Variants in FGGY observed in about 807,000 individuals in gnomAD.
FGGY encodes FGGY carbohydrate kinase domain containing, also known as FGGY carbohydrate kinase domain-containing protein.
In FGGY, 72 loss-of-function variants were observed where a neutral mutation model predicts 71.3. The ratio of observed to expected loss-of-function variants is 1.01; its 90% CI spans 0.84 to 1.23. FGGY has a LOEUF of 1.23. Among genes scored for constraint, FGGY ranks in the 50% most tolerant of loss-of-function variants. The pLI is 0.00. For synonymous variants in FGGY, 251 were observed against 250.3 expected, an observed-to-expected ratio of 1.00 and a Z score of -0.02; for missense variants, 668 against 682.3, an observed-to-expected ratio of 0.98 and a Z score of 0.23.
rs142640444 is a variant in FGGY at position 59,378,831 on chromosome 1, C to G, written c.548C>G (p.Thr183Arg). Residue 183 changes from threonine (T) to arginine (R), a missense_variant, in exon 5 of 16, where the codon ACA becomes AGA. By Grantham distance (71) the Thr-to-Arg change is moderately conservative. Coordinates refer to ENST00000303721, the MANE Select transcript of FGGY (RefSeq NM_018291.5). Reference sequence around the variant, plus strand: ...TTATCGTGGAAGGCAACAGGTGTCACAGCACGGTATGTTAATTACAAGTTG... The same window carrying G: ...TTATCGTGGAAGGCAACAGGTGTCAGAGCACGGTATGTTAATTACAAGTTG... ...DFLSWKATGV[T>R]ARSLCSLVCK... 83 of 1,612,258 alleles carry G rather than the reference C, an allele frequency of 5.1e-5. No individual in the cohort carries two copies. The highest frequency in any genetic ancestry group is 7.0e-5 in the Non-Finnish European group (82 of 1,178,648).
At chr1:59,703,164 T>G (rs1184956413) in intron 14 of FGGY, among the ~76,000 whole-genome samples, 2 of 152,184 alleles carry the variant, frequency 1.3e-5, no homozygotes, top group African/African-American at 4.8e-5. Flanking sequence ...CTATTTGTCA[T>G]AATTATTCCT....
intron 4 of FGGY, among the ~76,000 whole-genome samples, chr1:59,376,440 T>A (rs1242056699): frequency 6.6e-6 from 1 of 152,162 alleles, no homozygotes; most frequent in East Asian, 1.9e-4. Context: ...TGTAAATAGA[T>A]GTTGGTGTTT....
At chr1:59,370,773 T>C (rs938480647) in intron 4 of FGGY, among the ~76,000 whole-genome samples, 13 of 151,168 alleles carry the variant, frequency 8.6e-5, no homozygotes, top group Admixed American at 1.3e-4. Flanking sequence ...AAGAAAAGAA[T>C]TTTCAACCCA....
intron 5 of FGGY, among the ~76,000 whole-genome samples, chr1:59,436,949 T>C (rs1300254752): frequency 6.6e-6 from 1 of 152,222 alleles, no homozygotes; most frequent in African/African-American, 2.4e-5. Flanking sequence ...AACTCTCCCA[T>C]GACACTATGC....
chr1:59,667,165 T>G, intron 12 of FGGY, 118 bp from the exon 13 acceptor site: 61 of 1,245,552 alleles, frequency 4.9e-5, no homozygotes, highest in Non-Finnish European at 6.4e-5. Context: ...CTCAGCTTTC[T>G]GAGATAGTGT....
chr1:59,673,441 G>A (rs1338236361), intron 13 of FGGY, among the ~76,000 whole-genome samples: 1 of 152,148 alleles, frequency 6.6e-6, no homozygotes, highest in African/African-American at 2.4e-5. Flanking sequence ...GAGAAGAGGA[G>A]GATATCAGAG....
intron 4 of FGGY, among the ~76,000 whole-genome samples, chr1:59,347,605 G>T (rs2052341984): frequency 2.6e-5 from 4 of 152,074 alleles, no homozygotes; most frequent in African/African-American, 9.7e-5. Context: ...TACCAAAACA[G>T]ATATATAGAC....
intron 5 of FGGY, among the ~76,000 whole-genome samples, chr1:59,453,563 C>G (rs2091404157): frequency 1.3e-5 from 2 of 152,102 alleles, no homozygotes; most frequent in Non-Finnish European, 2.9e-5. Context: ...GCTGACTGAT[C>G]CACGTTGATC....
At chr1:59,633,236 T>G (rs993472082) in intron 10 of FGGY, among the ~76,000 whole-genome samples, 7 of 152,132 alleles carry the variant, frequency 4.6e-5, no homozygotes, top group Admixed American at 2.6e-4. Flanking sequence ...GGTCTCGATC[T>G]CCTGACCTCG....
chr1:59,589,611 G>C (rs1190832764), intron 8 of FGGY, among the ~76,000 whole-genome samples: 5 of 152,098 alleles, frequency 3.3e-5, no homozygotes, highest in African/African-American at 7.2e-5. Flanking sequence ...TGCAATCAAA[G>C]TAGAACTCAG....
chr1:59,381,968 A>T (rs1035715099), intron 5 of FGGY, among the ~76,000 whole-genome samples: 2 of 152,154 alleles, frequency 1.3e-5, no homozygotes, highest in Non-Finnish European at 2.9e-5. Context: ...TGGACATGAA[A>T]TCTTTAAGTA....
intron 1 of FGGY, among the ~76,000 whole-genome samples, chr1:59,303,207 A>G (rs1418383216): frequency 6.6e-6 from 1 of 152,230 alleles, no homozygotes; most frequent in Non-Finnish European, 1.5e-5. Flanking sequence ...TATGTTGTAC[A>G]TTAGATCTCC....
chr1:59,567,895 C>T (rs2153729788), intron 8 of FGGY, among the ~76,000 whole-genome samples: 1 of 150,444 alleles, frequency 6.6e-6, no homozygotes, highest in South Asian at 2.1e-4. Context: ...CATACGAGAT[C>T]CAGCATTATT....
intron 4 of FGGY, among the ~76,000 whole-genome samples, chr1:59,354,478 T>C (rs958908955): frequency 6.6e-6 from 1 of 152,012 alleles, no homozygotes; most frequent in Non-Finnish European, 1.5e-5. Context: ...GATTTGAACT[T>C]TGGCATTTCA....
At chr1:59,490,385 A>G (rs1015388815) in intron 6 of FGGY, among the ~76,000 whole-genome samples, 12 of 152,100 alleles carry the variant, frequency 7.9e-5, no homozygotes, top group African/African-American at 2.9e-4. Context: ...TCCTGTACCA[A>G]TGGTTGAATT....
chr1:59,468,872 TAAA>T (rs397967555), intron 6 of FGGY, among the ~76,000 whole-genome samples: 3 of 119,570 alleles, frequency 2.5e-5, no homozygotes, highest in Non-Finnish European at 3.5e-5. Flanking sequence ...ACTCTGTCTT[TAAA>T]AAAAAAAAAA....
chr1:59,555,782 CT>C (rs1318565427), intron 8 of FGGY, among the ~76,000 whole-genome samples: 1 of 152,026 alleles, frequency 6.6e-6, no homozygotes, highest in Non-Finnish European at 1.5e-5. Flanking sequence ...GGTGGATCAC[CT>C]GAGGTCAAGA....
intron 6 of FGGY, among the ~76,000 whole-genome samples, chr1:59,499,949 A>G (rs1558136817): frequency 6.6e-6 from 1 of 152,150 alleles, no homozygotes; most frequent in Non-Finnish European, 1.5e-5. Context: ...ATACATATAT[A>G]TGTTTGTATT....
intron 2 of FGGY, among the ~76,000 whole-genome samples, chr1:59,327,786 T>C (rs2153158139): frequency 6.6e-6 from 1 of 152,358 alleles, no homozygotes; most frequent in African/African-American, 2.4e-5. Flanking sequence ...AGAATGGATG[T>C]TGTGTTAGCA....
Sources: gnomAD v4.1 joint callset for allele counts (sites outside exome capture counted in the v4.1 genomes callset) on GRCh38, gnomAD v4.1.1 for gene constraint, MANE v1.5 for transcripts, NCBI Gene and HGNC (gene_info 2026-07-23, HGNC 2026-07-21) for gene names.